The following BCAS3 variants were observed in gnomAD, a reference collection of about 807,000 sequenced individuals.
The protein encoded by BCAS3 is BCAS4/BCAS3 fusion.
In BCAS3, 53 loss-of-function variants were observed where a neutral mutation model predicts 116.1. The observed-to-expected ratio is 0.46, with a 90% CI of 0.37 to 0.57. The LOEUF is 0.57. BCAS3 is among the 20% of genes least tolerant of loss of function. BCAS3 has a pLI of 0.00. For missense variants in BCAS3, 917 were observed against 1,165.4 expected, an observed-to-expected ratio of 0.79 and a Z score of 3.10; for synonymous variants, 391 against 408.2, an observed-to-expected ratio of 0.96 and a Z score of 0.51.
intron 22 of BCAS3, among the ~76,000 whole-genome samples, chr17:61,117,566 G>A (rs1040738101): frequency 8.5e-5 from 13 of 152,180 alleles, no homozygotes; most frequent in African/African-American, 3.1e-4. Flanking sequence ...CTGCAATCCA[G>A]CTTGAGTGAC....
chr17:60,792,713 G>A (rs2046883796), intron 6 of BCAS3, among the ~76,000 whole-genome samples: 1 of 152,214 alleles, frequency 6.6e-6, no homozygotes, highest in Admixed American at 6.5e-5. Context: ...CGTTTGGCAT[G>A]TGATCACTGC....
intron 5 of BCAS3, among the ~76,000 whole-genome samples, chr17:60,734,465 T>C (rs2040771039): frequency 6.6e-6 from 1 of 152,204 alleles, no homozygotes; most frequent in African/African-American, 2.4e-5. Flanking sequence ...ACTTTCGTGT[T>C]TCACATTTAG....
intron 5 of BCAS3, chr17:60,727,212 C>G: frequency 2.1e-6 from 2 of 938,968 alleles, no homozygotes; most frequent in South Asian, 1.3e-5. Flanking sequence ...CCTCCCGGTT[C>G]AAAATGCTTA....
chr17:60,953,622 T>G (rs1392810195), intron 14 of BCAS3, among the ~76,000 whole-genome samples: 1 of 152,212 alleles, frequency 6.6e-6, no homozygotes, highest in Non-Finnish European at 1.5e-5. Flanking sequence ...TTTGGTGTCT[T>G]TGTCATGAAA....
rs544543307 is a variant in BCAS3, at chr17:61,153,816, A to C, written c.2425+69252A>C. Among the ~76,000 whole-genome samples the C allele has an allele frequency of 5.3e-5, 8 of 152,314 alleles. No individual in the cohort carries two copies. The South Asian group carries it at 1.7e-3, about 32-fold the overall frequency. On this transcript the variant is annotated intron_variant, in intron 22 of 23. Transcript: ENST00000407086. Reference sequence around the variant, plus strand: ...AACAGCAGTCATATTAGGATTCTTTAGTAACACAGCGATGTGTGCACTTTT... The same window carrying C: ...AACAGCAGTCATATTAGGATTCTTTCGTAACACAGCGATGTGTGCACTTTT...
rs984204538 is a variant in BCAS3, at chr17:61,115,171, T to C, written c.2425+30607T>C. ...AACCTAGGCATTACCATTCAGGACA[T>C]AGGCATGGGCAAAGACTTCATGTCC... On this transcript the variant is annotated intron_variant, in intron 22 of 23. Transcript: ENST00000407086. 2.4e-3 allele frequency among the ~76,000 whole-genome samples: 365 copies of C among 152,160 alleles called. 2 individuals carry two copies. Among genetic ancestry groups the C allele is most frequent in the African/African-American group, 8.0e-3 (331 of 41,510 alleles).
intron 12 of BCAS3, among the ~76,000 whole-genome samples, chr17:60,914,470 G>C (rs2145117013): frequency 6.6e-6 from 1 of 152,272 alleles, no homozygotes; most frequent in Non-Finnish European, 1.5e-5. Context: ...CATACAGGGT[G>C]TAGGGTTATA....
At chr17:60,909,063 A>C (rs2145091565) in intron 11 of BCAS3, among the ~76,000 whole-genome samples, 1 of 152,176 alleles carries the variant, frequency 6.6e-6, no homozygotes, top group African/African-American at 2.4e-5. Flanking sequence ...CCTAGCCTCG[A>C]TTTTCTCTTT....
rs1255907771 is a variant in BCAS3, at chr17:61,239,371, T to C, written c.2426-128956T>C. Among the ~76,000 whole-genome samples, 2 of 152,222 alleles carry C rather than the reference T, an allele frequency of 1.3e-5. No individual in the cohort carries two copies. The highest frequency in any genetic ancestry group is 4.8e-5 in the African/African-American group (2 of 41,452). ...GAAATAATGATTAGCTCTACAGATT[T>C]TCAGCTTTTTGTTTTGGGGTTTTTT... On this transcript the variant is annotated intron_variant, in intron 22 of 23. Coordinates refer to ENST00000407086, the MANE Select transcript of BCAS3 (RefSeq NM_017679.5). The surrounding 1 kb of genome is among the most constrained non-coding windows in gnomAD (Gnocchi z 4.2).
chr17:60,876,308 C>T (rs1331307875), intron 9 of BCAS3, among the ~76,000 whole-genome samples: 2 of 152,012 alleles, frequency 1.3e-5, no homozygotes, highest in Non-Finnish European at 2.9e-5. Flanking sequence ...TCTCATTATT[C>T]TCATTCTGTT....
intron 19 of BCAS3, among the ~76,000 whole-genome samples, chr17:61,061,651 C>A (rs1568257453): frequency 1.3e-5 from 2 of 152,180 alleles, no homozygotes; most frequent in Admixed American, 6.5e-5. Flanking sequence ...ATCCTAGTAT[C>A]TTATCAAGTA....
At chr17:61,107,430 CCAT>C (rs1455657785) in intron 22 of BCAS3, among the ~76,000 whole-genome samples, 15 of 152,098 alleles carry the variant, frequency 9.9e-5, no homozygotes, top group Non-Finnish European at 1.2e-4. Flanking sequence ...GTAACCACCA[CCAT>C]CATCAAGATA....
intron 5 of BCAS3, among the ~76,000 whole-genome samples, chr17:60,723,148 G>A (rs1023976763): frequency 1.3e-5 from 2 of 151,984 alleles, no homozygotes; most frequent in Non-Finnish European, 1.5e-5. Context: ...CACCAATTAC[G>A]GATTTTGCCT....
intron 22 of BCAS3, among the ~76,000 whole-genome samples, chr17:61,172,124 A>G (rs1787880536): frequency 6.6e-6 from 1 of 152,368 alleles, no homozygotes; most frequent in East Asian, 1.9e-4. Flanking sequence ...TGATAGAACT[A>G]CATGTAGAAT....
intron 22 of BCAS3, among the ~76,000 whole-genome samples, chr17:61,299,822 G>A (rs1188123448): frequency 1.3e-5 from 2 of 152,202 alleles, no homozygotes; most frequent in Non-Finnish European, 2.9e-5. Context: ...CTTAGCCTTT[G>A]AGTCCCATTG....
intron 22 of BCAS3, among the ~76,000 whole-genome samples, chr17:61,121,971 A>G (rs944798768): frequency 6.6e-6 from 1 of 151,408 alleles, no homozygotes; most frequent in African/African-American, 2.4e-5. Context: ...ATCGTGATCC[A>G]CCCGCCTCAT....
chr17:61,231,997 G>A (rs1285262206), intron 22 of BCAS3, among the ~76,000 whole-genome samples: 16 of 151,626 alleles, frequency 1.1e-4, no homozygotes, highest in Admixed American at 1.1e-3. Flanking sequence ...ACAAGGTCAG[G>A]AGTTCAAGAC....
At position 61,088,121 on chromosome 17, in the gene BCAS3, G is replaced by A. The variant is rs557470122; in HGVS notation, c.2425+3557G>A. On this transcript the variant is annotated intron_variant, in intron 22 of 23. Coordinates refer to ENST00000407086, the MANE Select transcript of BCAS3 (RefSeq NM_017679.5). This position sits in a 1 kb window ranked among gnomAD's most constrained non-coding sequence, Gnocchi z 4.2. Reference sequence around the variant, plus strand: ...TGCTTGAACCCGGGAGGCAGAGGTTGCAGTGAGCTGAGATTGCACCAGTGC... The same window carrying A: ...TGCTTGAACCCGGGAGGCAGAGGTTACAGTGAGCTGAGATTGCACCAGTGC... Among the ~76,000 whole-genome samples, 20 of 152,346 alleles carry A rather than the reference G, an allele frequency of 1.3e-4. No homozygotes were observed. The highest frequency in any genetic ancestry group is 4.3e-4 in the African/African-American group (18 of 41,578).
At chr17:60,985,188 C>T (rs1436396453) in intron 14 of BCAS3, among the ~76,000 whole-genome samples, 2 of 144,908 alleles carry the variant, frequency 1.4e-5, no homozygotes, top group African/African-American at 2.6e-5. Context: ...TCTTGCTGCC[C>T]AGGTGGGAGT....
Sources: gnomAD v4.1 joint callset for allele counts (sites outside exome capture counted in the v4.1 genomes callset) on GRCh38, gnomAD v4.1.1 for gene constraint, Gnocchi (gnomAD v3.1) non-coding constraint, MANE v1.5 for transcripts, NCBI Gene and HGNC (gene_info 2026-07-23, HGNC 2026-07-21) for gene names.